The following PCDHA5 variants were observed in gnomAD, a reference collection of about 807,000 sequenced individuals.
PCDHA5 encodes protocadherin alpha-5.
In PCDHA5, 43 loss-of-function variants were observed where a neutral mutation model predicts 61.6. The ratio of observed to expected loss-of-function variants is 0.70; its 90% confidence interval spans 0.55 to 0.90. The LOEUF is 0.90. PCDHA5 is among the 40% of genes least tolerant of loss of function. The pLI is 0.00. For missense variants in PCDHA5, 1,298 were observed against 1,222.7 expected, an observed-to-expected ratio of 1.06 and a Z score of -0.92; for synonymous variants, 627 against 543.9, an observed-to-expected ratio of 1.15 and a Z score of -2.13.
At chr5:140,968,273 G>A in intron 1 of PCDHA5, 1 of 1,614,080 alleles carries the variant, frequency 6.2e-7, no homozygotes, top group African/African-American at 1.3e-5. Context: ...GGAGAATGCA[G>A]AGGTGACCTA....
In PCDHA5 at chr5:140,853,715, G is replaced by T; in HGVS notation, c.2352+29588G>T. ...ACCTGCTAACGCATTAGCATTAGCA[G>T]CACCTAAGTCCTCATTGAATGTTCT... is the stretch of plus-strand genomic sequence containing the variant. On this transcript the variant is annotated intron_variant, in intron 1 of 3. Coordinates refer to ENST00000529859, the MANE Select transcript of PCDHA5 (RefSeq NM_018908.3). 6 of 988,172 alleles carry T rather than the reference G, an allele frequency of 6.1e-6. 1 individual carries two copies. The highest frequency in any genetic ancestry group is 7.3e-6 in the Non-Finnish European group (6 of 820,144). 61.2% of individuals were successfully genotyped at this position (988,172 alleles called of 1,614,324 possible). A position where few individuals can be genotyped will look rare whatever the true frequency, so the allele number is the denominator to read the frequency against.
rs1191412792 is a variant in PCDHA5 at position 140,853,165 on chromosome 5, C to T, written c.2352+29038C>T. ...AAATGCTGGGATTACAGGCGTGAGCCACCGCGCCTGGCCTAAAATGTGTTC... is the reference window on the plus strand; with the variant it reads ...AAATGCTGGGATTACAGGCGTGAGCTACCGCGCCTGGCCTAAAATGTGTTC... On this transcript the variant is annotated intron_variant, in intron 1 of 3. Coordinates refer to ENST00000529859, the MANE Select transcript of PCDHA5 (RefSeq NM_018908.3). The T allele has an allele frequency of 4.2e-6, 4 of 947,174 alleles. No homozygotes were observed. In the African/African-American group the frequency reaches 7.1e-5, roughly 17 times the overall value. The allele number at this position is 947,174 out of a possible 1,614,324, so 58.7% of individuals were successfully genotyped here.
intron 1 of PCDHA5, among the ~76,000 whole-genome samples, chr5:140,944,398 G>C (rs1326523434): frequency 4.6e-5 from 7 of 152,104 alleles, no homozygotes; most frequent in African/African-American, 2.4e-5. Flanking sequence ...TGTTATCCAG[G>C]CTGGTCTCGA....
rs1437399739 is a variant in PCDHA5, at chr5:140,853,000, TC to T, written c.2352+28876del. 9.7e-6 allele frequency: 3 copies of T among 308,008 alleles called. No homozygotes were observed. The East Asian group carries it at 5.1e-4, about 53-fold the overall frequency. 19.1% of individuals were successfully genotyped at this position (308,008 alleles called of 1,614,324 possible). ...TTCACGCCATTCTCCTGCCTCAGCC[TC>T]CCGAGTAGCTGGGACTACAGGCGCC... On this transcript the variant is annotated intron_variant, in intron 1 of 3. Transcript: ENST00000529859.
intron 1 of PCDHA5, chr5:140,834,869 C>G: frequency 6.2e-7 from 1 of 1,609,230 alleles, no homozygotes. Context: ...ATGCAGATAT[C>G]GGGGAGAACG....
At chr5:140,903,616 T>C (rs1053634742) in intron 1 of PCDHA5, among the ~76,000 whole-genome samples, 72 of 152,338 alleles carry the variant, frequency 4.7e-4, no homozygotes, top group African/African-American at 1.7e-3. Context: ...CACATGAATG[T>C]GCATGCATAT....
chr5:140,885,213 AT>A (rs1364699535), intron 1 of PCDHA5, among the ~76,000 whole-genome samples: 44 of 152,178 alleles, frequency 2.9e-4, no homozygotes, highest in African/African-American at 1.0e-3. Context: ...CCCATGAAAA[AT>A]ATCTTGTGAT....
chr5:140,918,895 A>G (rs1319042193), intron 1 of PCDHA5, among the ~76,000 whole-genome samples: 2 of 152,206 alleles, frequency 1.3e-5, no homozygotes, highest in East Asian at 3.9e-4. Flanking sequence ...TGAAAAATAA[A>G]TCTCTCTTGT....
In PCDHA5 at chr5:140,855,633, A is replaced by G. The variant is rs2043544595; in HGVS notation, c.2352+31506A>G. On this transcript the variant is annotated intron_variant, in intron 1 of 3. Transcript: ENST00000529859. ...ATTAAGGGCATTTTGAAATTCGGCT[A>G]TTGATAATCATGTGGTTAGGGAAGA... 1.3e-5 allele frequency among the ~76,000 whole-genome samples: 2 copies of G among 149,874 alleles called. 1 individual carries two copies. Among genetic ancestry groups the G allele is most frequent in the African/African-American group, 4.9e-5 (2 of 40,848 alleles).
chr5:140,868,850 G>C, intron 1 of PCDHA5: 3 of 459,172 alleles, frequency 6.5e-6, no homozygotes, highest in South Asian at 5.9e-5. Flanking sequence ...GTGAAATTCT[G>C]TGGTGGTAAA....
chr5:140,829,101 TA>T (rs1562303098), intron 1 of PCDHA5: 1 of 1,611,922 alleles, frequency 6.2e-7, no homozygotes, highest in Admixed American at 1.7e-5. Flanking sequence ...TGCACCGTTT[TA>T]GTGAGAATTT....
intron 1 of PCDHA5, chr5:140,967,546 C>T (rs199955615): frequency 6.8e-6 from 11 of 1,613,824 alleles, no homozygotes; most frequent in Non-Finnish European, 8.5e-6. Context: ...TTGACCAGTC[C>T]ACTTATCGCG....
At chr5:140,841,754 T>A in intron 1 of PCDHA5, 1 of 1,613,818 alleles carries the variant, frequency 6.2e-7, no homozygotes, top group Non-Finnish European at 8.5e-7. Context: ...TGTTTCAGAA[T>A]CCAGAATGCC....
chr5:140,822,263 C>A lies in PCDHA5; in HGVS notation c.488C>A (p.Ala163Glu). Residue 163 changes from alanine (A) to glutamate (E), a missense_variant, in exon 1 of 4, where the codon GCA becomes GAA. Coordinates refer to ENST00000529859, the MANE Select transcript of PCDHA5 (RefSeq NM_018908.3). ...GGCGCGTCGGATTTGGATATTGGAGCAAATGCACAATTGAGATACAGGTTA... is the reference window on the plus strand; with the variant it reads ...GGCGCGTCGGATTTGGATATTGGAGAAAATGCACAATTGAGATACAGGTTA... ...LEGASDLDIG[A>E]NAQLRYRLNP... is the part of the protein sequence containing the mutation. 1 of 1,614,228 alleles carries A rather than the reference C, an allele frequency of 6.2e-7. No homozygotes were observed. The highest frequency in any genetic ancestry group is 8.5e-7 in the Non-Finnish European group (1 of 1,180,044).
chr5:140,884,357 A>C, intron 1 of PCDHA5: 1 of 1,613,864 alleles, frequency 6.2e-7, no homozygotes. Context: ...GGTGGATGTC[A>C]ATGTTTACTT....
intron 1 of PCDHA5, among the ~76,000 whole-genome samples, chr5:140,874,289 T>G (rs1234939624): frequency 1.3e-5 from 2 of 152,230 alleles, no homozygotes; most frequent in Non-Finnish European, 2.9e-5. Context: ...ACAAAATCTA[T>G]GTGTACTTGT....
intron 1 of PCDHA5, among the ~76,000 whole-genome samples, chr5:140,838,075 ATAGTGTGTGT>A (rs2150283218): frequency 0.079 from 10,117 of 127,694 alleles, 686 homozygotes; most frequent in African/African-American, 0.19. Flanking sequence ...TTATATATAT[ATAGTGTGTGT>A]GTGTGTGTGT....
intron 1 of PCDHA5, among the ~76,000 whole-genome samples, chr5:140,946,992 A>T (rs1393633852): frequency 1.3e-5 from 2 of 151,908 alleles, no homozygotes; most frequent in East Asian, 3.9e-4. Context: ...TGAGTGTTCT[A>T]ACTTCAAAGA....
At chr5:140,866,935 T>C (rs782742299) in intron 1 of PCDHA5, 3 of 152,114 alleles carry the variant, frequency 2.0e-5, no homozygotes, top group African/African-American at 4.8e-5. Context: ...GCGCATAATC[T>C]CTTCACTAGG....
Sources: gnomAD v4.1 joint callset for allele counts (sites outside exome capture counted in the v4.1 genomes callset) on GRCh38, gnomAD v4.1.1 for gene constraint, MANE v1.5 for transcripts, NCBI Gene and HGNC (gene_info 2026-07-23, HGNC 2026-07-21) for gene names.